PRRC2B: variants seen among roughly 807,000 people sequenced by gnomAD.
The protein encoded by PRRC2B is protein PRRC2B.
A neutral mutation model predicts 242.3 loss-of-function variants in PRRC2B; 68 were observed. That is an observed-to-expected ratio of 0.28 (90% CI 0.23 to 0.34). The LOEUF is 0.34. Among genes scored for constraint, PRRC2B ranks in the 10% least tolerant of loss-of-function variants. PRRC2B has a pLI of 1.00. For missense variants in PRRC2B, 2,835 were observed against 2,954.8 expected, an observed-to-expected ratio of 0.96 and a Z score of 0.94; for synonymous variants, 1,228 against 1,173.6, an observed-to-expected ratio of 1.05 and a Z score of -0.95.
intron 2 of PRRC2B, among the ~76,000 whole-genome samples, chr9:131,431,290 C>A (rs1431897627): frequency 1.3e-5 from 2 of 152,054 alleles, no homozygotes; most frequent in Non-Finnish European, 2.9e-5. Context: ...ACCATCATGC[C>A]TGGCTAATTT....
intron 28 of PRRC2B, among the ~76,000 whole-genome samples, chr9:131,489,854 C>CA (rs1944136093): frequency 6.6e-6 from 1 of 152,098 alleles, no homozygotes; most frequent in Non-Finnish European, 1.5e-5. Context: ...CCGCCCCCCA[C>CA]ACCCCTCGAA....
At chr9:131,379,233 G>A (rs1310874494) in intron 1 of PRRC2B, among the ~76,000 whole-genome samples, 1 of 152,120 alleles carries the variant, frequency 6.6e-6, no homozygotes, top group Non-Finnish European at 1.5e-5. Flanking sequence ...TGGCTATTGT[G>A]AATAATGATG....
At chr9:131,490,493 G>T (rs1408709484) in intron 28 of PRRC2B, 1 of 519,108 alleles carries the variant, frequency 1.9e-6, no homozygotes, top group Admixed American at 1.9e-5. Context: ...AAGTCTCAGT[G>T]ATGTAATTCC....
Position 131,474,867 on chromosome 9 carries a change from C to T in PRRC2B, c.2738C>T (p.Ser913Phe), listed in dbSNP as rs1943643098. 2 of 1,605,362 alleles carry T rather than the reference C, an allele frequency of 1.2e-6. No individual in the cohort carries two copies. Among genetic ancestry groups the T allele is most frequent in the Middle Eastern group, 1.7e-4 (1 of 6,056 alleles). Residue 913 changes from serine (S) to phenylalanine (F), a missense_variant, in exon 16 of 32, where the codon TCC (serine) becomes TTC (phenylalanine). Ser to Phe is a radical substitution (Grantham distance 155). Around this residue, in one of 7 missense-constraint regions of PRRC2B, gnomAD observed 1,536 missense variants for 1,483.1 expected, o/e 1.04. Coordinates refer to ENST00000683519, the MANE Select transcript of PRRC2B (RefSeq NM_013318.4). ...AACGGGAGCCCCAACAAACAGCCAT[C>T]CTCGGAGCCTGAATGGACTCCCGAG... The part of the protein sequence containing the change: ...DKNGSPNKQP[S>F]SEPEWTPEPR...
chr9:131,438,279 C>T (rs1838439545), intron 4 of PRRC2B, among the ~76,000 whole-genome samples: 1 of 152,174 alleles, frequency 6.6e-6, no homozygotes, highest in Non-Finnish European at 1.5e-5. Context: ...TGGACATAGG[C>T]AGGCTGGAGA....
intron 1 of PRRC2B, among the ~76,000 whole-genome samples, chr9:131,405,668 T>G (rs2131289866): frequency 6.6e-6 from 1 of 152,274 alleles, no homozygotes; most frequent in African/African-American, 2.4e-5. Flanking sequence ...TGGCGGGGAT[T>G]TGTGCTCTGG....
intron 1 of PRRC2B, among the ~76,000 whole-genome samples, chr9:131,400,276 G>A (rs1187087334): frequency 1.3e-5 from 2 of 151,816 alleles, no homozygotes; most frequent in Non-Finnish European, 2.9e-5. Flanking sequence ...TTGTGGAGAC[G>A]GGGTTTCGCC....
chr9:131,432,036 T>C (rs1838193460), intron 2 of PRRC2B, among the ~76,000 whole-genome samples: 1 of 150,744 alleles, frequency 6.6e-6, no homozygotes, highest in Non-Finnish European at 1.5e-5. Context: ...TCAAGCGATC[T>C]ACCCACCTCG....
intron 1 of PRRC2B, among the ~76,000 whole-genome samples, chr9:131,395,886 C>G (rs1463981323): frequency 6.6e-6 from 1 of 152,148 alleles, no homozygotes; most frequent in African/African-American, 2.4e-5. Flanking sequence ...TAGAACAGTA[C>G]GAGATGCTCA....
intron 1 of PRRC2B, among the ~76,000 whole-genome samples, chr9:131,419,241 G>C (rs1413783998): frequency 6.6e-6 from 1 of 152,144 alleles, no homozygotes; most frequent in Non-Finnish European, 1.5e-5. Context: ...ATCTCAAGAG[G>C]GTTTTCTGAG....
chr9:131,442,390 C>CCTT (rs1447562092), intron 5 of PRRC2B, among the ~76,000 whole-genome samples: 1 of 152,052 alleles, frequency 6.6e-6, no homozygotes, highest in Non-Finnish European at 1.5e-5. Context: ...TTGATTCTTG[C>CCTT]CAGTGACCTT....
intron 1 of PRRC2B, among the ~76,000 whole-genome samples, chr9:131,384,186 C>T (rs1415078882): frequency 6.6e-6 from 1 of 150,900 alleles, no homozygotes; most frequent in Non-Finnish European, 1.5e-5. Context: ...GTCTGCCTCC[C>T]GTGCTCAAGC....
chr9:131,476,566 G>A (rs1010758940), intron 16 of PRRC2B, 31 bp downstream of exon 16: 1 of 1,544,232 alleles, frequency 6.5e-7, no homozygotes, highest in African/African-American at 1.4e-5. Context: ...GGCCCTTTTT[G>A]TTGTTGTGTT....
In PRRC2B at chr9:131,394,140, G is replaced by A. The variant is rs1836971673; in HGVS notation, c.-175G>A. 1 of 149,322 alleles carries A rather than the reference G, an allele frequency of 6.7e-6. No homozygotes were observed. The highest frequency in any genetic ancestry group is 1.8e-4 in the South Asian group (1 of 5,656). 9.2% of individuals were successfully genotyped at this position (149,322 alleles called of 1,614,324 possible). A position where few individuals can be genotyped will look rare whatever the true frequency, so the allele number is the denominator to read the frequency against. ...CGACGAGCGAGCCCGGGAGGAGGGA[G>A]GGAGCGAGCGAGCGAGCAGCCCGCG... is the stretch of plus-strand genomic sequence containing the variant. On this transcript the variant is annotated 5_prime_UTR_variant, in exon 1 of 32. Transcript: ENST00000683519.
chr9:131,448,543 C>CCAA (rs1838883733), intron 9 of PRRC2B, among the ~76,000 whole-genome samples: 1 of 39,874 alleles, frequency 2.5e-5, no homozygotes, highest in African/African-American at 8.3e-5. Context: ...GACACTGTCT[C>CCAA]AAAAAAAAAA....
chr9:131,427,074 C>G (rs546222100), intron 1 of PRRC2B, among the ~76,000 whole-genome samples: 28 of 152,298 alleles, frequency 1.8e-4, no homozygotes, highest in Non-Finnish European at 2.9e-4. Context: ...GACGTAGGAC[C>G]GCTTATCCCT....
chr9:131,449,269 C>G (rs1268101587), intron 9 of PRRC2B, among the ~76,000 whole-genome samples: 1 of 152,082 alleles, frequency 6.6e-6, no homozygotes, highest in Non-Finnish European at 1.5e-5. Context: ...TAAGACCTGT[C>G]CAAACCTTTT....
chr9:131,434,177 G>A (rs1838268131), intron 3 of PRRC2B, among the ~76,000 whole-genome samples: 1 of 152,198 alleles, frequency 6.6e-6, no homozygotes, highest in Admixed American at 6.5e-5. Context: ...CACAGAGGAG[G>A]GGCAGATATT....
chr9:131,492,843 G>A (rs1003507490), intron 30 of PRRC2B, among the ~76,000 whole-genome samples: 2 of 152,202 alleles, frequency 1.3e-5, no homozygotes, highest in Non-Finnish European at 2.9e-5. Flanking sequence ...GAGAGCCTCT[G>A]GTCCACTGCC....
Sources: gnomAD v4.1 joint callset for allele counts (sites outside exome capture counted in the v4.1 genomes callset) on GRCh38, gnomAD v4.1.1 for gene constraint, gnomAD v4.1.1 regional missense constraint, MANE v1.5 for transcripts, NCBI Gene and HGNC (gene_info 2026-07-23, HGNC 2026-07-21) for gene names.